The following KLHL13 variants were observed in gnomAD, a reference collection of about 807,000 sequenced individuals.
The protein encoded by KLHL13 is kelch like family member 13.
Under a neutral mutation model 37.1 loss-of-function variants are expected in KLHL13, and 10 were observed. The ratio of observed to expected loss-of-function variants is 0.27; its 90% CI spans 0.17 to 0.46. The LOEUF is 0.46. Ranked by LOEUF, KLHL13 falls within the 20% of genes least tolerant of loss-of-function variation. KLHL13 has a pLI of 1.00. For missense variants in KLHL13, 360 were observed against 509.3 expected (o/e 0.71, Z 2.82); for synonymous variants, 163 against 181.2 (o/e 0.90, Z 0.81).
At chrX:118,037,871 A>G (rs768316752) in intron 1 of KLHL13, among the ~76,000 whole-genome samples, 4 of 112,041 alleles carry the variant, frequency 3.6e-5, no homozygotes, top group African/African-American at 1.3e-4. Context: ...AAGAGCCCAG[A>G]CAATGTCTAT....
intron 1 of KLHL13, among the ~76,000 whole-genome samples, chrX:117,967,110 A>G: frequency 8.9e-6 from 1 of 111,811 alleles, no homozygotes; most frequent in Non-Finnish European, 1.9e-5. Flanking sequence ...AACTACCATC[A>G]GAGTGAACAG....
intron 1 of KLHL13, among the ~76,000 whole-genome samples, chrX:118,083,871 T>C (rs1372572485): frequency 1.8e-5 from 2 of 111,541 alleles, no homozygotes; most frequent in East Asian, 5.6e-4. Context: ...TAAAACAAAA[T>C]AAAACTGTTT....
intron 1 of KLHL13, chrX:117,947,591 A>C (rs1933383164): frequency 8.9e-6 from 1 of 112,408 alleles, no homozygotes; most frequent in African/African-American, 3.2e-5. Context: ...GCAAAAAGTG[A>C]AAATGCAGCC....
At chrX:118,077,853 G>C (rs1231049632) in intron 1 of KLHL13, among the ~76,000 whole-genome samples, 1 of 111,406 alleles carries the variant, frequency 9.0e-6, no homozygotes, top group Non-Finnish European at 1.9e-5. Context: ...TTTATTCTTT[G>C]CTAGTGAGGC....
chrX:117,928,924 G>A (rs1215922388), intron 2 of KLHL13, among the ~76,000 whole-genome samples: 1 of 111,622 alleles, frequency 9.0e-6, no homozygotes, highest in Non-Finnish European at 1.9e-5. Context: ...CCATAAATCT[G>A]ACAAAACTCT....
rs972033262 is a variant in KLHL13, at chrX:118,011,799, G to C, written c.-55-66224C>G. ...GATATGTCATGTTTACAATACTGGGGAATCTTTGTGTTGAATAAACATTTG... is the reference window on the plus strand; with the variant it reads ...GATATGTCATGTTTACAATACTGGGCAATCTTTGTGTTGAATAAACATTTG... On this transcript the variant is annotated intron_variant, in intron 1 of 6. Coordinates refer to the KLHL13 transcript ENST00000371882. Among the ~76,000 whole-genome samples the C allele has an allele frequency of 5.4e-5, 6 of 111,775 alleles. No individual in the cohort carries two copies. The Admixed American group carries it at 5.7e-4, about 11-fold the overall frequency.
At chrX:118,116,934 G>T (rs1237498858), upstream of KLHL13, 2 of 105,962 alleles carry the variant, frequency 1.9e-5, no homozygotes, top group South Asian at 8.7e-4. Flanking sequence ...TGCGCGGGAG[G>T]CAGGGTGGCG....
intron 1 of KLHL13, among the ~76,000 whole-genome samples, chrX:118,093,444 A>G (rs1395543646): frequency 8.9e-6 from 1 of 111,985 alleles, no homozygotes; most frequent in Non-Finnish European, 1.9e-5. Flanking sequence ...TGACAGAATC[A>G]GATTTTAGGT....
intron 1 of KLHL13, among the ~76,000 whole-genome samples, chrX:118,101,516 A>G (rs746994671): frequency 1.8e-5 from 2 of 111,814 alleles, no homozygotes; most frequent in African/African-American, 3.3e-5. Flanking sequence ...AAAGAAACAC[A>G]TAACAGGGGT....
chrX:117,936,071 T>C lies in KLHL13; in HGVS notation c.240+9363A>G, dbSNP rs149867110. On this transcript the variant is annotated intron_variant, in intron 2 of 6. Coordinates refer to ENST00000262820, the Ensembl canonical transcript of KLHL13. Reference sequence around the variant, plus strand: ...AGTTATCATTCAGTGAATTACCATATGATAGGACAGTAAGAGAAAGATGCT... The same window carrying C: ...AGTTATCATTCAGTGAATTACCATACGATAGGACAGTAAGAGAAAGATGCT... Among the ~76,000 whole-genome samples, 14 of 111,576 alleles carry C rather than the reference T, an allele frequency of 1.3e-4. No homozygotes were observed. In the East Asian group the frequency reaches 3.1e-3, roughly 25 times the overall value.
intron 1 of KLHL13, among the ~76,000 whole-genome samples, chrX:118,031,500 TATATATATACACACAC>T (rs1430737696): frequency 2.1e-5 from 2 of 94,146 alleles, no homozygotes; most frequent in African/African-American, 8.4e-5. Context: ...TATTTAGATA[TATATATATACACACAC>T]ATATATATTT....
chrX:118,110,371 C>CTTTTTTTT (rs1479012364), intron 1 of KLHL13, among the ~76,000 whole-genome samples: 5 of 98,314 alleles, frequency 5.1e-5, no homozygotes, highest in African/African-American at 2.0e-4. Context: ...TTTTCTATTT[C>CTTTTTTTT]TTTTTCTTTT....
intron 1 of KLHL13, among the ~76,000 whole-genome samples, chrX:118,029,515 A>G (rs2054312560): frequency 1.8e-5 from 2 of 112,179 alleles, no homozygotes; most frequent in Non-Finnish European, 3.8e-5. Flanking sequence ...ATGCCGATGT[A>G]TAACACTGGG....
In KLHL13 at chrX:118,113,446, T is replaced by C. The variant is rs779215848; in HGVS notation, c.-56+3062A>G. 4.4e-5 allele frequency among the ~76,000 whole-genome samples: 5 copies of C among 112,648 alleles called. No homozygotes were observed. The Admixed American group carries it at 4.7e-4, about 11-fold the overall frequency. Reference sequence around the variant, plus strand: ...ACCTCCAAGTCCTATTTATCGGTTATTGAGCTGCTTCTAGGCTCTGTAACA... The same window carrying C: ...ACCTCCAAGTCCTATTTATCGGTTACTGAGCTGCTTCTAGGCTCTGTAACA... On this transcript the variant is annotated intron_variant, in intron 1 of 6. Coordinates refer to the KLHL13 transcript ENST00000371882.
intron 1 of KLHL13, among the ~76,000 whole-genome samples, chrX:117,955,793 A>G (rs1254253129): frequency 2.7e-5 from 3 of 111,590 alleles, no homozygotes; most frequent in African/African-American, 9.8e-5. Flanking sequence ...AAACTTTATT[A>G]TAAGACTTCA....
intron 2 of KLHL13, among the ~76,000 whole-genome samples, chrX:117,932,808 G>A (rs1157042362): frequency 9.0e-6 from 1 of 111,385 alleles, no homozygotes; most frequent in Non-Finnish European, 1.9e-5. Flanking sequence ...TATCATTGCT[G>A]TACTAATTTA....
At chrX:117,922,037 T>C (rs903073849) in intron 2 of KLHL13, among the ~76,000 whole-genome samples, 10 of 112,272 alleles carry the variant, frequency 8.9e-5, no homozygotes, top group Non-Finnish European at 7.5e-5. Context: ...CCTATGCCAC[T>C]ATTTTTATTT....
chrX:118,106,007 T>G (rs2055342554), intron 1 of KLHL13, among the ~76,000 whole-genome samples: 1 of 99,993 alleles, frequency 1.0e-5, no homozygotes, highest in Non-Finnish European at 2.0e-5. Context: ...GTTCACGCCA[T>G]TCTCCTGCCT....
intron 1 of KLHL13, among the ~76,000 whole-genome samples, 167 bp downstream of exon 2, chrX:118,028,257 C>T (rs996585257): frequency 1.8e-5 from 2 of 111,705 alleles, no homozygotes; most frequent in Non-Finnish European, 3.8e-5. Context: ...TTGTCACTAA[C>T]ATCCTCTTTA....
Sources: allele counts gnomAD v4.1 joint callset (sites outside exome capture counted in the v4.1 genomes callset), GRCh38; gene constraint gnomAD v4.1.1; transcripts MANE v1.5; gene names NCBI Gene and HGNC (gene_info 2026-07-23, HGNC 2026-07-21).